The following MLXIP variants were observed in gnomAD, a reference collection of about 807,000 sequenced individuals.
MLXIP encodes the protein MLX interacting protein.
A neutral mutation model predicts 87.2 loss-of-function variants in MLXIP; 30 were observed. The observed-to-expected ratio is 0.34, with a 90% CI of 0.26 to 0.47. MLXIP has a LOEUF of 0.47. Ranked by LOEUF, MLXIP falls within the 20% of genes least tolerant of loss-of-function variation. MLXIP has a pLI of 1.00. For synonymous variants in MLXIP, 530 were observed against 514.0 expected (o/e 1.03, Z -0.42); for missense variants, 1,002 against 1,240.1 (o/e 0.81, Z 2.88).
In MLXIP at chr12:122,081,755, A is replaced by T. The variant is rs78183602; in HGVS notation, c.413+2489A>T. On this transcript the variant is annotated intron_variant, in intron 1 of 16. Transcript: ENST00000319080. ...TCTGGCTTCCATCCTGGTGGGGTTC[A>T]TGCCTTCCCTGCCGGCTGTCTGGGT... 6.7e-3 allele frequency among the ~76,000 whole-genome samples: 1,018 copies of T among 152,290 alleles called. 14 individuals are homozygous for T. The highest frequency in any genetic ancestry group is 0.023 in the African/African-American group (952 of 41,560).
intron 1 of MLXIP, among the ~76,000 whole-genome samples, chr12:122,102,294 T>A (rs1021851810): frequency 6.6e-6 from 1 of 152,106 alleles, no homozygotes. Context: ...GAATAGACAT[T>A]TTTCCAAAGA....
intron 1 of MLXIP, among the ~76,000 whole-genome samples, chr12:122,110,321 C>T (rs1426662830): frequency 2.6e-5 from 4 of 151,930 alleles, no homozygotes; most frequent in African/African-American, 9.7e-5. Context: ...GAGTTTTGCT[C>T]TTGTTGCCCA....
Position 122,146,948 on chromosome 12 carries a change from CCA to C in MLXIP, c.*5139_*5140del, listed in dbSNP as rs1953313459. On this transcript the variant is annotated 3_prime_UTR_variant, in exon 17 of 17. Transcript: ENST00000319080. ...CTCCAGGCCATCCCCTACGGGCTGC[CCA>C]CAGTGCCCCCTTTTCTCTAGCCGAA... is the stretch of plus-strand genomic sequence containing the variant. The C allele has an allele frequency of 6.6e-6, 1 of 152,248 alleles. No individual in the cohort carries two copies. Among genetic ancestry groups the C allele is most frequent in the African/African-American group, 2.4e-5 (1 of 41,454 alleles). The allele number at this position is 152,248 out of a possible 1,614,324, so 9.4% of individuals were successfully genotyped here. A position where few individuals can be genotyped will look rare whatever the true frequency, so the allele number is the denominator to read the frequency against.
At chr12:122,097,126 G>A (rs904416778) in intron 1 of MLXIP, among the ~76,000 whole-genome samples, 4 of 152,154 alleles carry the variant, frequency 2.6e-5, no homozygotes, top group Admixed American at 1.3e-4. Context: ...AAGAGTGCTC[G>A]GCAGAGGAGC....
intron 1 of MLXIP, among the ~76,000 whole-genome samples, chr12:122,122,457 G>A (rs1298735349): frequency 1.3e-5 from 2 of 152,166 alleles, no homozygotes; most frequent in African/African-American, 4.8e-5. Context: ...TCCAACTCCT[G>A]GGCTCCAGGG....
chr12:122,115,353 C>T (rs903772236), intron 1 of MLXIP, among the ~76,000 whole-genome samples: 3 of 151,770 alleles, frequency 2.0e-5, no homozygotes, highest in Middle Eastern at 3.4e-3. Context: ...TTTGGGAGGC[C>T]GAGGCAGGTG....
intron 1 of MLXIP, among the ~76,000 whole-genome samples, chr12:122,111,929 C>T (rs1952611385): frequency 1.3e-5 from 2 of 152,130 alleles, no homozygotes; most frequent in South Asian, 4.2e-4. Flanking sequence ...AAACATAATC[C>T]CAATCAACAT....
intron 6 of MLXIP, among the ~76,000 whole-genome samples, 194 bp from the exon 7 acceptor site, chr12:122,130,650 T>C (rs1165496966): frequency 2.0e-5 from 3 of 151,930 alleles, no homozygotes; most frequent in Non-Finnish European, 4.4e-5. Context: ...TTTACCTTCC[T>C]GGCAAAAACT....
chr12:122,083,012 G>T (rs1952113825), intron 1 of MLXIP, among the ~76,000 whole-genome samples: 1 of 152,148 alleles, frequency 6.6e-6, no homozygotes. Flanking sequence ...TAGATATGGG[G>T]TGTTGCTATG....
intron 1 of MLXIP, among the ~76,000 whole-genome samples, chr12:122,116,439 C>T (rs548514981): frequency 2.0e-5 from 3 of 152,218 alleles, no homozygotes; most frequent in South Asian, 2.1e-4. Context: ...ATGGCTAACG[C>T]GCAGGTTTTT....
chr12:122,140,717 C>T, intron 15 of MLXIP: 1 of 622,572 alleles, frequency 1.6e-6, no homozygotes, highest in Non-Finnish European at 2.9e-6. Flanking sequence ...TCCCTGTCCC[C>T]TGCCTGCTCG....
intron 1 of MLXIP, among the ~76,000 whole-genome samples, chr12:122,104,087 G>C (rs1356559479): frequency 6.6e-6 from 1 of 151,892 alleles, no homozygotes; most frequent in Non-Finnish European, 1.5e-5. Context: ...TATTTAAGAG[G>C]GTCCAACTCC....
intron 1 of MLXIP, among the ~76,000 whole-genome samples, chr12:122,094,530 G>T (rs1952316029): frequency 1.4e-5 from 2 of 142,760 alleles, no homozygotes; most frequent in African/African-American, 5.2e-5. Flanking sequence ...TGTGTGTTGT[G>T]TGTGGTGTGT....
At chr12:122,109,241 G>A (rs1952566305) in intron 1 of MLXIP, among the ~76,000 whole-genome samples, 1 of 152,170 alleles carries the variant, frequency 6.6e-6, no homozygotes, top group Non-Finnish European at 1.5e-5. Flanking sequence ...GCTAATTTTT[G>A]TATTTTTAGT....
At chr12:122,104,575 C>CTTTTTTTT (rs751931978) in intron 1 of MLXIP, among the ~76,000 whole-genome samples, 4 of 91,294 alleles carry the variant, frequency 4.4e-5, no homozygotes, top group Admixed American at 1.3e-4. Flanking sequence ...ATTACCTTTT[C>CTTTTTTTT]TTTTTTTTTT....
intron 1 of MLXIP, among the ~76,000 whole-genome samples, chr12:122,102,589 C>T (rs1002346599): frequency 1.3e-5 from 2 of 152,180 alleles, no homozygotes; most frequent in African/African-American, 4.8e-5. Context: ...AAATATAGTT[C>T]CTACAAAAAC....
intron 1 of MLXIP, among the ~76,000 whole-genome samples, chr12:122,084,655 T>C (rs771197710): frequency 6.6e-6 from 1 of 152,182 alleles, no homozygotes; most frequent in Non-Finnish European, 1.5e-5. Flanking sequence ...CAAGCGATTC[T>C]CCTGCCTCAG....
At chr12:122,103,281 G>GT (rs1952467014) in intron 1 of MLXIP, among the ~76,000 whole-genome samples, 1 of 151,892 alleles carries the variant, frequency 6.6e-6, no homozygotes, top group Admixed American at 6.6e-5. Context: ...CTGGAGTGTG[G>GT]TGGTGCAGTT....
intron 1 of MLXIP, among the ~76,000 whole-genome samples, chr12:122,107,333 A>G (rs1171445981): frequency 6.6e-6 from 1 of 151,938 alleles, no homozygotes; most frequent in Non-Finnish European, 1.5e-5. Context: ...ATTTTCCTGG[A>G]TGTACCTAAT....
Sources: allele counts gnomAD v4.1 joint callset (sites outside exome capture counted in the v4.1 genomes callset), GRCh38; gene constraint gnomAD v4.1.1; transcripts MANE v1.5; gene names NCBI Gene and HGNC (gene_info 2026-07-23, HGNC 2026-07-21).